AUTS2: variants seen among roughly 807,000 people sequenced by gnomAD.
AUTS2 encodes activator of transcription and developmental regulator AUTS2.
AUTS2 carries 17 observed loss-of-function variants against 112.4 expected under a neutral mutation model. That is an observed-to-expected ratio of 0.15 (90% CI 0.10 to 0.23). The LOEUF is 0.23. AUTS2 is among the 10% of genes least tolerant of loss of function. The probability of loss-of-function intolerance (pLI) is 1.00; values close to 1 mark genes in which losing one functional copy is unlikely to be tolerated. For missense variants in AUTS2, 1,510 were observed against 1,701.6 expected (o/e 0.89, Z 1.98); for synonymous variants, 751 against 702.7 (o/e 1.07, Z -1.09).
intron 5 of AUTS2, among the ~76,000 whole-genome samples, chr7:70,501,287 G>A (rs1402078556): frequency 6.6e-6 from 1 of 152,192 alleles, no homozygotes; most frequent in Non-Finnish European, 1.5e-5. Flanking sequence ...AGAGTAGTTA[G>A]CAGTGTCACT....
At chr7:69,670,312 G>C (rs1396544263) in intron 1 of AUTS2, among the ~76,000 whole-genome samples, 1 of 151,926 alleles carries the variant, frequency 6.6e-6, no homozygotes, top group Non-Finnish European at 1.5e-5. Flanking sequence ...CTGATACTTG[G>C]GCCTTTGAAG....
At chr7:70,110,865 T>A (rs1045996338) in intron 2 of AUTS2, among the ~76,000 whole-genome samples, 2 of 135,514 alleles carry the variant, frequency 1.5e-5, no homozygotes, top group Non-Finnish European at 3.2e-5. Context: ...CTTTCTTTTT[T>A]TTTTTTTTTT....
chr7:69,850,398 C>CAAAAAA lies in AUTS2; in HGVS notation c.310-48856_310-48851dup, dbSNP rs60553891. On this transcript the variant is annotated intron_variant, in intron 1 of 18. Coordinates refer to ENST00000342771, the MANE Select transcript of AUTS2 (RefSeq NM_015570.4). ...TGGGCAACAGAGCGAAACTCTGTCT[C>CAAAAAA]AAAAAAAAAAAAAAAAAAAAAAAAA... is the stretch of plus-strand genomic sequence containing the variant. Among the ~76,000 whole-genome samples the CAAAAAA allele has an allele frequency of 1.9e-3, 65 of 34,678 alleles. 15 individuals carry two copies. Among genetic ancestry groups the CAAAAAA allele is most frequent in the Admixed American group, 3.9e-3 (7 of 1,784 alleles). The allele number at this position is 34,678 out of a possible 152,430, so 22.8% of individuals were successfully genotyped here. A position where few individuals can be genotyped will look rare whatever the true frequency, so the allele number is the denominator to read the frequency against.
At chr7:70,264,389 G>C (rs1787318574) in intron 4 of AUTS2, among the ~76,000 whole-genome samples, 1 of 152,092 alleles carries the variant, frequency 6.6e-6, no homozygotes, top group Non-Finnish European at 1.5e-5. Flanking sequence ...TGTATTTTTA[G>C]TAGAGAGAGG....
intron 4 of AUTS2, among the ~76,000 whole-genome samples, chr7:70,415,748 C>T (rs537133894): frequency 7.9e-5 from 12 of 152,222 alleles, no homozygotes; most frequent in Non-Finnish European, 1.8e-4. Context: ...CTCAGAGTTA[C>T]GGGGAGAGCA....
chr7:69,996,605 T>C (rs1204312682), intron 2 of AUTS2, among the ~76,000 whole-genome samples: 1 of 152,170 alleles, frequency 6.6e-6, no homozygotes, highest in Admixed American at 6.6e-5. Context: ...GAATTAATTT[T>C]CTCCTTATCT....
At chr7:70,674,279 C>T (rs761566389) in intron 5 of AUTS2, among the ~76,000 whole-genome samples, 1 of 152,166 alleles carries the variant, frequency 6.6e-6, no homozygotes. Context: ...CTTTCTTTCT[C>T]TTTTTTAAAA....
chr7:70,281,386 C>G (rs955858135), intron 4 of AUTS2, among the ~76,000 whole-genome samples: 1 of 152,190 alleles, frequency 6.6e-6, no homozygotes, highest in Non-Finnish European at 1.5e-5. Context: ...GGGGATCCCA[C>G]CCATTCCACA....
chr7:69,991,652 A>C (rs1218405175), intron 2 of AUTS2, among the ~76,000 whole-genome samples: 1 of 152,204 alleles, frequency 6.6e-6, no homozygotes, highest in Admixed American at 6.5e-5. Context: ...AGCTTAGATA[A>C]GTTGAAATAT....
At chr7:69,607,175 G>A (rs1345051937) in intron 1 of AUTS2, among the ~76,000 whole-genome samples, 1 of 152,128 alleles carries the variant, frequency 6.6e-6, no homozygotes, top group Non-Finnish European at 1.5e-5. Context: ...TCAGGTCTCT[G>A]ATTCCATCCA....
chr7:69,758,407 T>C (rs779106063), intron 1 of AUTS2, among the ~76,000 whole-genome samples: 9 of 152,186 alleles, frequency 5.9e-5, no homozygotes, highest in Non-Finnish European at 8.8e-5. Context: ...TTAGGCTTAG[T>C]TGTTATTAAG....
In AUTS2 at chr7:70,608,650, CGTGTCCCACATTCT is replaced by C. The variant is rs1803911507; in HGVS notation, c.691-89914_691-89901del. ...GAAAGGAAGAAGTGCTTAGAGCTTCCGTGTCCCACATTCTGTGTGGGATTGGGAACCTCTGGCAT... is the reference window on the plus strand; with the variant it reads ...GAAAGGAAGAAGTGCTTAGAGCTTCCGTGTGGGATTGGGAACCTCTGGCAT... On this transcript the variant is annotated intron_variant, in intron 5 of 18. Transcript: ENST00000342771. 2.0e-5 allele frequency among the ~76,000 whole-genome samples: 3 copies of C among 152,186 alleles called. No individual in the cohort carries two copies. In the South Asian group the frequency reaches 6.2e-4, roughly 32 times the overall value.
At chr7:70,187,557 G>T (rs1395744089) in intron 4 of AUTS2, among the ~76,000 whole-genome samples, 1 of 152,060 alleles carries the variant, frequency 6.6e-6, no homozygotes, top group Non-Finnish European at 1.5e-5. Context: ...AAATTAGACT[G>T]CAGTAAAGCA....
chr7:69,657,812 CTTCTT>C (rs1795612607), intron 1 of AUTS2, among the ~76,000 whole-genome samples: 1 of 152,158 alleles, frequency 6.6e-6, no homozygotes, highest in African/African-American at 2.4e-5. Context: ...GCATACTTCT[CTTCTT>C]AGCATTTATC....
chr7:69,974,099 CTTAAT>C (rs1365517921), intron 2 of AUTS2, among the ~76,000 whole-genome samples: 2 of 151,648 alleles, frequency 1.3e-5, no homozygotes, highest in Non-Finnish European at 2.9e-5. Context: ...ATTAAATTTT[CTTAAT>C]TTAAGTTATT....
chr7:69,955,975 A>G (rs748096439), intron 2 of AUTS2, among the ~76,000 whole-genome samples: 8 of 152,276 alleles, frequency 5.3e-5, no homozygotes, highest in Non-Finnish European at 1.0e-4. Flanking sequence ...AGCTCCCACA[A>G]CAACTTCATA....
At chr7:70,738,190 A>G (rs10950212) in intron 6 of AUTS2, among the ~76,000 whole-genome samples, 20,566 of 152,056 alleles carry the variant, frequency 0.14, 1,846 homozygotes, top group East Asian at 0.38. Flanking sequence ...CAAGTTGTAA[A>G]CATGCAAAAA....
chr7:69,734,398 G>A (rs1360233455), intron 1 of AUTS2, among the ~76,000 whole-genome samples: 2 of 146,014 alleles, frequency 1.4e-5, no homozygotes, highest in Non-Finnish European at 3.0e-5. Context: ...TTCTTTTCTG[G>A]TGCTTGGGGA....
chr7:69,622,932 G>C (rs1793743822), intron 1 of AUTS2, among the ~76,000 whole-genome samples: 1 of 152,186 alleles, frequency 6.6e-6, no homozygotes, highest in Non-Finnish European at 1.5e-5. Context: ...TACCACACCT[G>C]GATGGGTGGA....
Sources: gnomAD v4.1 joint callset for allele counts (sites outside exome capture counted in the v4.1 genomes callset) on GRCh38, gnomAD v4.1.1 for gene constraint, MANE v1.5 for transcripts, NCBI Gene and HGNC (gene_info 2026-07-23, HGNC 2026-07-21) for gene names.